Variants in PARVG observed in about 807,000 individuals in gnomAD.
PARVG encodes the protein gamma-parvin.
Under a neutral mutation model 44.4 loss-of-function variants are expected in PARVG, and 36 were observed. That is an observed-to-expected ratio of 0.81 (90% CI 0.62 to 1.07). The LOEUF (loss-of-function observed/expected upper bound fraction) is 1.07. PARVG is among the 50% of genes least tolerant of loss of function. The pLI, the probability that PARVG is intolerant of heterozygous loss-of-function variation, is 0.00. For synonymous variants in PARVG, 170 were observed against 174.1 expected (o/e 0.98, Z 0.19); for missense variants, 407 against 407.4 (o/e 1.00, Z 0.01).
At chr22:44,205,169 G>A (rs528685256) in intron 12 of PARVG, among the ~76,000 whole-genome samples, 12 of 152,314 alleles carry the variant, frequency 7.9e-5, no homozygotes, top group African/African-American at 2.4e-4. Context: ...ACCTGGGTGG[G>A]GACCGCTCCA....
intron 12 of PARVG, among the ~76,000 whole-genome samples, chr22:44,202,165 C>T (rs1346703435): frequency 3.3e-5 from 5 of 152,248 alleles, no homozygotes; most frequent in Non-Finnish European, 7.3e-5. Flanking sequence ...GCCCAGAGCA[C>T]ACAGTGAGTT....
chr22:44,198,649 T>C lies in PARVG; in HGVS notation c.740T>C (p.Leu247Pro). The change falls in exon 12 of 14, where the codon CTG becomes CCG. Residue 247 changes from leucine (L) to proline (P), a missense_variant. By Grantham distance (98) the Leu-to-Pro change is moderately conservative. Coordinates refer to ENST00000444313, the MANE Select transcript of PARVG (RefSeq NM_022141.7). ...GCAGATGGGGTCATCTTACTCTTGC[T>C]GATTGGACAACTTGAAGGCTTCTTC... ...QFADGVILLL[L>P]IGQLEGFFLH... 6.2e-7 allele frequency: 1 copy of C among 1,613,942 alleles called. No homozygotes were observed. Among genetic ancestry groups the C allele is most frequent in the Non-Finnish European group, 8.5e-7 (1 of 1,179,810 alleles).
At chr22:44,189,361 A>AG in intron 6 of PARVG, 107 bp downstream of exon 6, 2 of 1,486,264 alleles carry the variant, frequency 1.3e-6, no homozygotes, top group Admixed American at 4.1e-5. Flanking sequence ...TTCTCCCAGC[A>AG]GGGGTACAAC....
intron 4 of PARVG, 61 bp from the exon 5 acceptor site, chr22:44,187,714 CA>C: frequency 6.6e-7 from 1 of 1,523,240 alleles, no homozygotes; most frequent in Non-Finnish European, 9.1e-7. Flanking sequence ...CATTCTGAGC[CA>C]GGTGGAGGGC....
At chr22:44,189,363 G>A in intron 6 of PARVG, 109 bp downstream of exon 6, 1 of 1,481,294 alleles carries the variant, frequency 6.8e-7, no homozygotes, top group South Asian at 1.3e-5. Flanking sequence ...CTCCCAGCAG[G>A]GGTACAACCT....
At chr22:44,186,481 T>G (rs1340747551) in intron 4 of PARVG, 3 of 456,992 alleles carry the variant, frequency 6.6e-6, no homozygotes, top group Non-Finnish European at 1.4e-5. Flanking sequence ...CCTCCTGGCC[T>G]ACACCATCTT....
chr22:44,194,337 G>C (rs533105751), intron 9 of PARVG, among the ~76,000 whole-genome samples: 1 of 152,288 alleles, frequency 6.6e-6, no homozygotes, highest in African/African-American at 2.4e-5. Flanking sequence ...CCAATCAGTT[G>C]ATTGTTCTAG....
chr22:44,186,336 G>A, intron 4 of PARVG: 1 of 335,260 alleles, frequency 3.0e-6, no homozygotes, highest in Non-Finnish European at 6.0e-6. Context: ...CCCATTCTTA[G>A]TTCTCTCCTT....
chr22:44,189,687 C>T (rs565766978), intron 6 of PARVG, among the ~76,000 whole-genome samples: 7 of 152,250 alleles, frequency 4.6e-5, no homozygotes, highest in African/African-American at 1.2e-4. Context: ...GAGGCCGAGG[C>T]GGGTGGATCA....
At chr22:44,196,534 C>T in intron 11 of PARVG, 119 bp downstream of exon 11, 8 of 1,208,082 alleles carry the variant, frequency 6.6e-6, no homozygotes, top group Admixed American at 2.0e-5. Context: ...CCTCTTGGAG[C>T]CTTAGGGTCC....
intron 1 of PARVG, chr22:44,173,334 T>G: frequency 1.3e-5 from 9 of 683,552 alleles, no homozygotes; most frequent in Middle Eastern, 6.2e-4. Flanking sequence ...CCTTGCATGC[T>G]GACCAGTAAG....
Position 44,193,804 on chromosome 22 carries a change from A to G in PARVG, c.564A>G (p.Thr188=). The G allele has an allele frequency of 6.2e-7, 1 of 1,614,070 alleles. No homozygotes were observed. The highest frequency in any genetic ancestry group is 8.5e-7 in the Non-Finnish European group (1 of 1,180,000). ...GCTTTTTCCACCCACTGCACAGCAC[A>G]GACAAGGACGAGCCTCCAAGTGAGT... ...KLVEQLTEYS[T]DKDEPPKDVF... Residue 188 remains threonine, a synonymous_variant, in exon 9 of 14, where the codon ACA becomes ACG. Transcript: ENST00000444313.
chr22:44,198,522 AAGTTGTATGACTTCCTTAGGGCCACAC>A (rs2054648073), intron 11 of PARVG, 72 bp from the exon 12 acceptor site: 1 of 862,808 alleles, frequency 1.2e-6, no homozygotes, highest in Non-Finnish European at 1.9e-6. Context: ...AGGCTCAGAG[AAGTTGTATGACTTCCTTAGGGCCACAC>A]AGCCTGTAAA....
intron 8 of PARVG, among the ~76,000 whole-genome samples, chr22:44,193,201 G>A (rs1352841581): frequency 6.6e-6 from 1 of 151,170 alleles, no homozygotes; most frequent in Non-Finnish European, 1.5e-5. Flanking sequence ...ATGGGGTAGA[G>A]GTGGATCTAA....
chr22:44,193,268 G>A (rs1282840207), intron 8 of PARVG, among the ~76,000 whole-genome samples: 4 of 152,152 alleles, frequency 2.6e-5, no homozygotes, highest in African/African-American at 9.7e-5. Flanking sequence ...TAAAAATGGA[G>A]TGAAAGAAGC....
intron 12 of PARVG, 88 bp downstream of exon 12, chr22:44,198,810 C>T (rs1004186491): frequency 1.6e-5 from 17 of 1,044,110 alleles, no homozygotes; most frequent in Non-Finnish European, 2.4e-5. Flanking sequence ...TATTCACTTC[C>T]AGGTGAAGTG....
At chr22:44,181,624 C>T in intron 1 of PARVG, 118 bp from the exon 2 acceptor site, 2 of 789,812 alleles carry the variant, frequency 2.5e-6, no homozygotes, top group East Asian at 1.3e-4. Flanking sequence ...TTTAAGTGGC[C>T]TGCAGAACCC....
Position 44,208,406 on chromosome 22 carries a change from A to T in PARVG, c.*1980A>T, listed in dbSNP as rs534378721. 4 of 152,108 alleles carry T rather than the reference A, an allele frequency of 2.6e-5. No individual in the cohort carries two copies. Among genetic ancestry groups the T allele is most frequent in the African/African-American group, 9.7e-5 (4 of 41,406 alleles). 9.4% of individuals were successfully genotyped at this position (152,108 alleles called of 1,614,324 possible). On this transcript the variant is annotated 3_prime_UTR_variant, in exon 14 of 14. Transcript: ENST00000444313. The stretch of plus-strand genomic sequence containing the variant: ...CAGCCCCTGGCCCTGGGGACCACTG[A>T]TCTGTTTTCTGTCACCATCATTTAG...
intron 9 of PARVG, 67 bp from the exon 10 acceptor site, chr22:44,196,088 A>T: frequency 1.3e-6 from 2 of 1,594,024 alleles, no homozygotes; most frequent in South Asian, 1.1e-5. Flanking sequence ...TGTGAAAAAA[A>T]AAATTCCCTG....
Sources: gnomAD v4.1 joint callset for allele counts (sites outside exome capture counted in the v4.1 genomes callset) on GRCh38, gnomAD v4.1.1 for gene constraint, MANE v1.5 for transcripts, NCBI Gene and HGNC (gene_info 2026-07-23, HGNC 2026-07-21) for gene names.